The following KDM4D variants were observed in gnomAD, a reference collection of about 807,000 sequenced individuals.
KDM4D encodes lysine-specific demethylase 4D.
For synonymous variants in KDM4D, 254 were observed against 249.1 expected, an observed-to-expected ratio of 1.02 and a Z score of -0.19; for missense variants, 427 against 674.8, an observed-to-expected ratio of 0.63 and a Z score of 4.07.
At chr11:94,993,620 C>T (rs185397858) in intron 2 of KDM4D, among the ~76,000 whole-genome samples, 11 of 150,374 alleles carry the variant, frequency 7.3e-5, no homozygotes, top group Admixed American at 7.3e-4. Flanking sequence ...CATCATTCTT[C>T]CTAGAATCCT....
chr11:94,974,164 G>A (rs1857775089), intron 1 of KDM4D, 96 bp downstream of exon 1: 1 of 152,216 alleles, frequency 6.6e-6, no homozygotes, highest in Non-Finnish European at 1.5e-5. Context: ...GTTTTAGTGG[G>A]AGGGGAGATG....
At chr11:94,976,991 A>G (rs1295649686) in intron 2 of KDM4D, among the ~76,000 whole-genome samples, 1 of 152,236 alleles carries the variant, frequency 6.6e-6, no homozygotes, top group Non-Finnish European at 1.5e-5. Context: ...TAAATTCTAG[A>G]TTCGCAAATA....
At chr11:94,992,885 ATAAG>A (rs1476287895) in intron 2 of KDM4D, among the ~76,000 whole-genome samples, 1 of 152,228 alleles carries the variant, frequency 6.6e-6, no homozygotes, top group African/African-American at 2.4e-5. Context: ...ATTATTTTAA[ATAAG>A]TAGTAGATTT....
At position 94,984,779 on chromosome 11, in the gene KDM4D, A is replaced by C. The variant is rs181785545; in HGVS notation, c.-350+9031A>C. On this transcript the variant is annotated intron_variant, in intron 2 of 2. Transcript: ENST00000335080. ...CTACTTGGGAGGCTGAGGCAGGAGA[A>C]TCACTTGAACCCGGGAGGTGGAGGT... 4.2e-3 allele frequency among the ~76,000 whole-genome samples: 632 copies of C among 151,940 alleles called. 4 individuals are homozygous for C. The highest frequency in any genetic ancestry group is 0.021 in the Middle Eastern group (6 of 292).
intron 2 of KDM4D, among the ~76,000 whole-genome samples, chr11:94,977,641 T>A (rs1857808800): frequency 6.6e-6 from 1 of 152,148 alleles, no homozygotes; most frequent in Admixed American, 6.5e-5. Flanking sequence ...CCTTCCCCTC[T>A]TTCTTCTTTT....
At position 94,999,120 on chromosome 11, in the gene KDM4D, T is replaced by C. The variant is rs1395142325; in HGVS notation, c.*176T>C. On this transcript the variant is annotated 3_prime_UTR_variant, in exon 3 of 3. Coordinates refer to ENST00000335080, the MANE Select transcript of KDM4D (RefSeq NM_018039.3). ...TCCATGGTAGTTTTCAATTTTGCCA[T>C]ACTTTTGTTCTTCCTACCGGACCCT... The C allele has an allele frequency of 3.8e-6, 2 of 528,030 alleles. No individual in the cohort carries two copies. Among genetic ancestry groups the C allele is most frequent in the East Asian group, 3.2e-5 (1 of 31,602 alleles). 32.7% of individuals were successfully genotyped at this position (528,030 alleles called of 1,614,324 possible).
chr11:94,980,718 CATT>C (rs1156633599), intron 2 of KDM4D, among the ~76,000 whole-genome samples: 8 of 152,070 alleles, frequency 5.3e-5, no homozygotes, highest in South Asian at 4.1e-4. Flanking sequence ...TTGGTTGTCT[CATT>C]GTTGCTGGTG....
intron 2 of KDM4D, among the ~76,000 whole-genome samples, chr11:94,994,220 G>C (rs1046248134): frequency 2.6e-5 from 4 of 152,146 alleles, no homozygotes; most frequent in African/African-American, 9.7e-5. Context: ...TGGTGACTAC[G>C]ATAACACATT....
intron 2 of KDM4D, among the ~76,000 whole-genome samples, chr11:94,989,254 G>C (rs1857913458): frequency 6.6e-6 from 1 of 152,188 alleles, no homozygotes; most frequent in Non-Finnish European, 1.5e-5. Context: ...GAGAGTCCAT[G>C]TAAGTCCAAA....
At chr11:94,992,732 G>A (rs886582250) in intron 2 of KDM4D, among the ~76,000 whole-genome samples, 65 of 151,868 alleles carry the variant, frequency 4.3e-4, no homozygotes, top group African/African-American at 1.2e-3. Flanking sequence ...ACTGAAATAC[G>A]GACTACATAT....
chr11:94,987,949 C>A (rs371941275), intron 2 of KDM4D, among the ~76,000 whole-genome samples: 170 of 151,892 alleles, frequency 1.1e-3, no homozygotes, highest in African/African-American at 3.9e-3. Context: ...GCTGTCTTAA[C>A]AGTATTTGCT....
chr11:94,983,359 A>G (rs1555097780), intron 2 of KDM4D, among the ~76,000 whole-genome samples: 5 of 152,136 alleles, frequency 3.3e-5, no homozygotes. Context: ...AAAGAAAACA[A>G]TGACAAGAAA....
rs1374117571 is a variant in KDM4D, at chr11:94,997,234, A to C, written c.-139A>C. The C allele has an allele frequency of 2.2e-6, 1 of 457,074 alleles. No individual in the cohort carries two copies. The highest frequency in any genetic ancestry group is 6.0e-5 in the Admixed American group (1 of 16,702). The allele number at this position is 457,074 out of a possible 1,614,324, so 28.3% of individuals were successfully genotyped here. A position where few individuals can be genotyped will look rare whatever the true frequency, so the allele number is the denominator to read the frequency against. On this transcript the variant is annotated 5_prime_UTR_variant, in exon 3 of 3. Transcript: ENST00000335080. ...CAAGCCCAAGAAAGATTATCATCTCATTTGCAAAAAAAAAAGTACGCTGGT... is the reference window on the plus strand; with the variant it reads ...CAAGCCCAAGAAAGATTATCATCTCCTTTGCAAAAAAAAAAGTACGCTGGT...
At chr11:94,980,534 A>C (rs1555097459) in intron 2 of KDM4D, among the ~76,000 whole-genome samples, 1 of 152,222 alleles carries the variant, frequency 6.6e-6, no homozygotes, top group East Asian at 1.9e-4. Context: ...TAAGTCTTCA[A>C]ATCTATTAAC....
intron 2 of KDM4D, among the ~76,000 whole-genome samples, chr11:94,994,749 A>C (rs1857962452): frequency 1.4e-5 from 2 of 144,546 alleles, no homozygotes; most frequent in South Asian, 5.1e-4. Flanking sequence ...ATGGAGAACA[A>C]TGTCAGTAGA....
chr11:94,993,828 C>A (rs1005286184), intron 2 of KDM4D, among the ~76,000 whole-genome samples: 1 of 152,012 alleles, frequency 6.6e-6, no homozygotes, highest in Admixed American at 6.6e-5. Flanking sequence ...TAAATTGTCT[C>A]ACTTTTCTCT....
At chr11:94,995,677 G>C (rs1160945647) in intron 2 of KDM4D, among the ~76,000 whole-genome samples, 1 of 152,078 alleles carries the variant, frequency 6.6e-6, no homozygotes, top group Admixed American at 6.6e-5. Context: ...AATCTGTTTC[G>C]AGCATCCCAA....
At chr11:94,989,749 TTTC>T (rs1321645448) in intron 2 of KDM4D, among the ~76,000 whole-genome samples, 43 of 78,630 alleles carry the variant, frequency 5.5e-4, no homozygotes, top group East Asian at 3.8e-3. Flanking sequence ...TCTCTCTCTC[TTTC>T]TTTTTTTTTT....
At chr11:94,984,234 C>T (rs920976348) in intron 2 of KDM4D, among the ~76,000 whole-genome samples, 1 of 152,194 alleles carries the variant, frequency 6.6e-6, no homozygotes, top group South Asian at 2.1e-4. Flanking sequence ...GTGGCTCATG[C>T]CTGTAACCCC....
Sources: gnomAD v4.1 joint callset for allele counts (sites outside exome capture counted in the v4.1 genomes callset) on GRCh38, gnomAD v4.1.1 for gene constraint, MANE v1.5 for transcripts, NCBI Gene and HGNC (gene_info 2026-07-23, HGNC 2026-07-21) for gene names.